The following CCDC149 variants were observed in gnomAD, a reference collection of about 807,000 sequenced individuals.
CCDC149 encodes coiled-coil domain containing 149, also known as coiled-coil domain-containing protein 149.
In CCDC149, 45 loss-of-function variants were observed where a neutral mutation model predicts 59.9. The ratio of observed to expected loss-of-function variants is 0.75; its 90% CI spans 0.59 to 0.96. The LOEUF is 0.96. Among genes scored for constraint, CCDC149 ranks in the 40% least tolerant of loss-of-function variants. The pLI is 0.00. For synonymous variants in CCDC149, 245 were observed against 260.6 expected, an observed-to-expected ratio of 0.94 and a Z score of 0.58; for missense variants, 584 against 664.7, an observed-to-expected ratio of 0.88 and a Z score of 1.33.
intron 9 of CCDC149, among the ~76,000 whole-genome samples, chr4:24,825,606 T>C (rs1183302010): frequency 1.3e-5 from 2 of 151,902 alleles, no homozygotes; most frequent in Admixed American, 6.6e-5. Flanking sequence ...ACCCCGTCTC[T>C]ACTAAAAATA....
rs188653504 is a variant in CCDC149, at chr4:24,850,878, T to C, written c.372+2194A>G. ...GGGTTGGGGGAAGGATGATCATGACTCACATGAGCCTGAAAATAAACCAGC... is the reference window on the plus strand; with the variant it reads ...GGGTTGGGGGAAGGATGATCATGACCCACATGAGCCTGAAAATAAACCAGC... On this transcript the variant is annotated intron_variant, in intron 4 of 12. Transcript: ENST00000635206. Among the ~76,000 whole-genome samples the C allele has an allele frequency of 7.2e-5, 11 of 152,152 alleles. No homozygotes were observed. The East Asian group carries it at 2.1e-3, about 29-fold the overall frequency.
At chr4:24,934,652 T>C (rs192030154) in intron 1 of CCDC149, among the ~76,000 whole-genome samples, 276 of 152,286 alleles carry the variant, frequency 1.8e-3, no homozygotes, top group Non-Finnish European at 3.0e-3. Context: ...ATGTTAGATA[T>C]TGTAATCTCA....
intron 1 of CCDC149, among the ~76,000 whole-genome samples, chr4:24,893,102 C>T (rs564414816): frequency 4.5e-4 from 68 of 152,316 alleles, no homozygotes; most frequent in African/African-American, 1.6e-3. Context: ...AACACTGTCA[C>T]GATGGCAATT....
chr4:24,944,462 A>G (rs1417938630), intron 1 of CCDC149, among the ~76,000 whole-genome samples: 1 of 152,090 alleles, frequency 6.6e-6, no homozygotes, highest in African/African-American at 2.4e-5. Flanking sequence ...TGACGAGTTA[A>G]TGGGTGCAGC....
In CCDC149 at chr4:24,881,643, T is replaced by C. The variant is rs114652376; in HGVS notation, c.64-4946A>G. On this transcript the variant is annotated intron_variant, in intron 1 of 12. Transcript: ENST00000635206. The stretch of plus-strand genomic sequence containing the variant: ...GACTCATATGGTCTGCATCAAAGAA[T>C]GGGACTGTCTGGGGGGGAGAAAAGT... Among the ~76,000 whole-genome samples the C allele has an allele frequency of 7.5e-3, 1,148 of 152,328 alleles. 9 individuals are homozygous for C. Among genetic ancestry groups the C allele is most frequent in the Admixed American group, 0.027 (411 of 15,306 alleles).
intron 2 of CCDC149, among the ~76,000 whole-genome samples, chr4:24,874,256 T>TTG (rs1553854311): frequency 1.4e-4 from 8 of 55,558 alleles, no homozygotes; most frequent in African/African-American, 5.9e-4. Flanking sequence ...TTTTTTTTTT[T>TTG]TTTGTTTTGT....
intron 1 of CCDC149, among the ~76,000 whole-genome samples, chr4:24,880,338 T>C (rs1195136795): frequency 3.3e-5 from 5 of 152,252 alleles, no homozygotes; most frequent in South Asian, 2.1e-4. Flanking sequence ...TAGGTTTGTG[T>C]AAGTACACTC....
chr4:24,868,739 CT>C lies in CCDC149; in HGVS notation c.264+4941del, dbSNP rs201224368. On this transcript the variant is annotated intron_variant, in intron 3 of 12. Coordinates refer to ENST00000635206, the MANE Select transcript of CCDC149 (RefSeq NM_001330643.2). ...TCCAAGCTCAGGGATCTGGGTCTGCCTTTTTTCACCCCGTGCCCCTCCTGTC... is the reference window on the plus strand; with the variant it reads ...TCCAAGCTCAGGGATCTGGGTCTGCCTTTTTCACCCCGTGCCCCTCCTGTC... Among the ~76,000 whole-genome samples, 629 of 152,146 alleles carry C rather than the reference CT, an allele frequency of 4.1e-3. 8 individuals are homozygous for C. Among genetic ancestry groups the C allele is most frequent in the African/African-American group, 0.014 (597 of 41,536 alleles).
intron 1 of CCDC149, among the ~76,000 whole-genome samples, chr4:24,897,547 G>A (rs1720911921): frequency 6.6e-6 from 1 of 152,128 alleles, no homozygotes; most frequent in Non-Finnish European, 1.5e-5. Context: ...TGCTGAGGAG[G>A]CCTGCAAAAA....
At chr4:24,930,047 C>T (rs1652655793) in intron 1 of CCDC149, among the ~76,000 whole-genome samples, 1 of 152,208 alleles carries the variant, frequency 6.6e-6, no homozygotes, top group African/African-American at 2.4e-5. Flanking sequence ...TCTCCAAACA[C>T]TTTTACACCT....
In CCDC149 at chr4:24,811,953, G is replaced by A. The variant is rs573225899; in HGVS notation, c.1193-3134C>T. 4.6e-5 allele frequency among the ~76,000 whole-genome samples: 7 copies of A among 151,878 alleles called. No individual in the cohort carries two copies. The South Asian group carries it at 8.4e-4, about 18-fold the overall frequency. On this transcript the variant is annotated intron_variant, in intron 12 of 12. Coordinates refer to ENST00000635206, the MANE Select transcript of CCDC149 (RefSeq NM_001330643.2). ...GGCTCTGGGGCAGAATCCATTTTCC[G>A]CCTCTCCCAGCTTCTGATGGCTGCC... is the stretch of plus-strand genomic sequence containing the variant.
intron 3 of CCDC149, among the ~76,000 whole-genome samples, chr4:24,859,127 A>G (rs800479): frequency 0.9 from 136,446 of 152,264 alleles, 61,285 homozygotes; most frequent in African/African-American, 0.95. Context: ...TGGTGTGAAA[A>G]AGATAGGCAT....
intron 1 of CCDC149, among the ~76,000 whole-genome samples, chr4:24,905,209 C>G (rs944052238): frequency 1.3e-5 from 2 of 151,750 alleles, no homozygotes; most frequent in East Asian, 3.9e-4. Context: ...TTTCTTCTTA[C>G]TGAGTAGTGA....
chr4:24,929,326 C>T (rs1164630599), intron 1 of CCDC149, among the ~76,000 whole-genome samples: 1 of 152,178 alleles, frequency 6.6e-6, no homozygotes, highest in African/African-American at 2.4e-5. Context: ...CAGGATTCTT[C>T]TCAGAGGCAG....
chr4:24,863,798 T>G (rs1453680677), intron 3 of CCDC149, among the ~76,000 whole-genome samples: 2 of 152,242 alleles, frequency 1.3e-5, no homozygotes, highest in Non-Finnish European at 2.9e-5. Flanking sequence ...CTTTCCTTCT[T>G]TGTTCTTCCC....
chr4:24,921,042 A>C (rs1468266338), intron 1 of CCDC149, among the ~76,000 whole-genome samples: 1 of 152,206 alleles, frequency 6.6e-6, no homozygotes, highest in Non-Finnish European at 1.5e-5. Flanking sequence ...AGAGTGTTTC[A>C]ACTTTGCTAA....
chr4:24,813,489 A>AATATATCTATATATCT (rs1186488610), intron 12 of CCDC149, among the ~76,000 whole-genome samples: 15 of 113,732 alleles, frequency 1.3e-4, no homozygotes, highest in African/African-American at 6.0e-4. Flanking sequence ...CAGCTTGGGG[A>AATATATCTATATATCT]ATATATATAT....
chr4:24,911,233 A>T (rs1721852895), intron 1 of CCDC149, among the ~76,000 whole-genome samples: 1 of 152,250 alleles, frequency 6.6e-6, no homozygotes. Flanking sequence ...GGTTAAGCCC[A>T]GCCAACTGAG....
At position 24,876,801 on chromosome 4, in the gene CCDC149, AT is replaced by A. The variant is rs1719467320; in HGVS notation, c.64-105del. On this transcript the variant is annotated intron_variant, in intron 1 of 12. Coordinates refer to ENST00000635206, the MANE Select transcript of CCDC149 (RefSeq NM_001330643.2). ...CCTGTGGGGAATTTTTGCCATTCTC[AT>A]TTTTAGAGCTCATGTGCCGAGAGAG... 8 of 1,162,734 alleles carry A rather than the reference AT, an allele frequency of 6.9e-6. No homozygotes were observed. In the South Asian group the frequency reaches 9.7e-5, roughly 14 times the overall value. The allele number at this position is 1,162,734 out of a possible 1,614,324, so 72.0% of individuals were successfully genotyped here.
Sources: gnomAD v4.1 joint callset for allele counts (sites outside exome capture counted in the v4.1 genomes callset) on GRCh38, gnomAD v4.1.1 for gene constraint, MANE v1.5 for transcripts, NCBI Gene and HGNC (gene_info 2026-07-23, HGNC 2026-07-21) for gene names.